FREM2: variants seen among roughly 807,000 people sequenced by gnomAD.
FREM2 encodes the protein FRAS1-related extracellular matrix protein 2.
A neutral mutation model predicts 219.9 loss-of-function variants in FREM2; 119 were observed. The observed-to-expected ratio is 0.54, with a 90% CI of 0.47 to 0.63. The LOEUF (loss-of-function observed/expected upper bound fraction) is 0.63, where lower values mean the gene tolerates loss of function less well. Among genes scored for constraint, FREM2 ranks in the 30% least tolerant of loss-of-function variants. The probability of loss-of-function intolerance (pLI) is 0.00; values close to 1 mark genes in which losing one functional copy is unlikely to be tolerated. For missense variants in FREM2, 4,030 were observed against 3,993.6 expected (o/e 1.01, Z -0.25); for synonymous variants, 1,562 against 1,522.8 (o/e 1.03, Z -0.60).
chr13:38,734,062 T>C (rs1871878737), intron 2 of FREM2, among the ~76,000 whole-genome samples: 1 of 151,982 alleles, frequency 6.6e-6, no homozygotes, highest in Non-Finnish European at 1.5e-5. Context: ...CATTATAAAC[T>C]AGATCACCTT....
intron 6 of FREM2, among the ~76,000 whole-genome samples, chr13:38,799,544 A>G (rs1209103668): frequency 1.3e-5 from 2 of 152,180 alleles, no homozygotes; most frequent in East Asian, 3.9e-4. Flanking sequence ...TGATCTGTCT[A>G]GTGCTGTGAG....
At chr13:38,803,531 A>C (rs559086117) in intron 6 of FREM2, among the ~76,000 whole-genome samples, 65 of 152,082 alleles carry the variant, frequency 4.3e-4, no homozygotes, top group African/African-American at 1.5e-3. Context: ...TTTGGTCCTC[A>C]GTACTTCAGT....
Position 38,687,256 on chromosome 13 carries a change from G to A in FREM2, c.-89G>A. The A allele has an allele frequency of 1.3e-6, 2 of 1,527,616 alleles. No homozygotes were observed. Among genetic ancestry groups the A allele is most frequent in the Non-Finnish European group, 8.9e-7 (1 of 1,127,492 alleles). The allele number at this position is 1,527,616 out of a possible 1,614,324, so 94.6% of individuals were successfully genotyped here. On this transcript the variant is annotated 5_prime_UTR_variant, in exon 1 of 24. Coordinates refer to ENST00000280481, the MANE Select transcript of FREM2 (RefSeq NM_207361.6). ...CCGCGGGCAACGCGCGGAGTTCCTG[G>A]CACTTCCCGGCGGTGTCTCTTGTTG...
chr13:38,848,356 T>G lies in FREM2; in HGVS notation c.6170-105T>G, dbSNP rs79192272. On this transcript the variant is annotated intron_variant, in intron 7 of 23. Coordinates refer to ENST00000280481, the MANE Select transcript of FREM2 (RefSeq NM_207361.6). Reference sequence around the variant, plus strand: ...TTTTCTGTAGAGTTATGCTGGTCTCTATTTTTTAAAAGAAGAATTATAAAC... The same window carrying G: ...TTTTCTGTAGAGTTATGCTGGTCTCGATTTTTTAAAAGAAGAATTATAAAC... The G allele has an allele frequency of 4.1e-3, 3,530 of 866,360 alleles. 24 individuals are homozygous for G. Among genetic ancestry groups the G allele is most frequent in the Non-Finnish European group, 5.8e-3 (3,013 of 521,562 alleles). The allele number at this position is 866,360 out of a possible 1,614,324, so 53.7% of individuals were successfully genotyped here. A position where few individuals can be genotyped will look rare whatever the true frequency, so the allele number is the denominator to read the frequency against.
intron 4 of FREM2, among the ~76,000 whole-genome samples, chr13:38,777,105 TTTA>T (rs1399615156): frequency 6.6e-6 from 1 of 151,886 alleles, no homozygotes; most frequent in Non-Finnish European, 1.5e-5. Flanking sequence ...CTTGTGAAGA[TTTA>T]TTAATATGCA....
At chr13:38,726,988 T>G (rs934594036) in intron 2 of FREM2, among the ~76,000 whole-genome samples, 2 of 152,174 alleles carry the variant, frequency 1.3e-5, no homozygotes, top group Non-Finnish European at 2.9e-5. Context: ...AGGTGGTGAT[T>G]GTCAAGCCTG....
chr13:38,705,861 C>T (rs1566111457), intron 2 of FREM2, among the ~76,000 whole-genome samples: 1 of 152,100 alleles, frequency 6.6e-6, no homozygotes, highest in Non-Finnish European at 1.5e-5. Context: ...CTGTCTTTCT[C>T]ACAGCAGCTG....
At chr13:38,755,878 T>C (rs925669871) in intron 2 of FREM2, among the ~76,000 whole-genome samples, 3 of 152,204 alleles carry the variant, frequency 2.0e-5, no homozygotes, top group African/African-American at 7.2e-5. Context: ...ACAACAATCC[T>C]ACAGATTTTC....
At chr13:38,722,745 G>GTTT (rs78258671) in intron 2 of FREM2, among the ~76,000 whole-genome samples, 2,169 of 139,980 alleles carry the variant, frequency 0.015, 44 homozygotes, top group African/African-American at 0.044. Flanking sequence ...AGCTGGTAAC[G>GTTT]TTTTTTTTTT....
chr13:38,833,455 C>A (rs1337503299), intron 6 of FREM2, among the ~76,000 whole-genome samples: 1 of 152,002 alleles, frequency 6.6e-6, no homozygotes. Context: ...TTGGTGGCAA[C>A]CCTTATCATT....
chr13:38,784,158 A>C (rs1046795456), intron 5 of FREM2, among the ~76,000 whole-genome samples: 1 of 152,236 alleles, frequency 6.6e-6, no homozygotes, highest in East Asian at 1.9e-4. Context: ...AAGTGGTTCA[A>C]CTTCTGAAAA....
At position 38,885,428 on chromosome 13, in the gene FREM2, A is replaced by G. The variant is rs1367349975; in HGVS notation, c.*4641A>G. The G allele has an allele frequency of 1.3e-5, 2 of 152,126 alleles. No individual in the cohort carries two copies. The highest frequency in any genetic ancestry group is 3.8e-4 in the East Asian group (2 of 5,202). 9.4% of individuals were successfully genotyped at this position (152,126 alleles called of 1,614,324 possible). On this transcript the variant is annotated 3_prime_UTR_variant, in exon 24 of 24. Transcript: ENST00000280481. ...TATTTGTTTGCTTTGTGTTTTTTCA[A>G]TATTTTGTTTGCTAAAGAACAATAA...
chr13:38,881,697 G>T lies in FREM2; in HGVS notation c.*910G>T, dbSNP rs888443236. The T allele has an allele frequency of 6.6e-6, 1 of 152,536 alleles. No homozygotes were observed. The highest frequency in any genetic ancestry group is 6.5e-5 in the Admixed American group (1 of 15,276). The allele number at this position is 152,536 out of a possible 1,614,324, so 9.4% of individuals were successfully genotyped here. On this transcript the variant is annotated 3_prime_UTR_variant, in exon 24 of 24. Coordinates refer to ENST00000280481, the MANE Select transcript of FREM2 (RefSeq NM_207361.6). ...TGTTTGCAGTATTGAACCCATAAATGATAATAAGAAACATTGTTACAGATG... is the reference window on the plus strand; with the variant it reads ...TGTTTGCAGTATTGAACCCATAAATTATAATAAGAAACATTGTTACAGATG...
At position 38,692,138 on chromosome 13, in the gene FREM2, T is replaced by A. The variant is rs759214390; in HGVS notation, c.4794T>A (p.Asn1598Lys). The A allele has an allele frequency of 2.5e-6, 4 of 1,614,238 alleles. No individual in the cohort carries two copies. Among genetic ancestry groups the A allele is most frequent in the South Asian group, 1.1e-5 (1 of 91,084 alleles). Residue 1598 changes from asparagine to lysine, a missense_variant, in exon 1 of 24, where the codon AAT (asparagine) becomes AAA (lysine). By Grantham distance (94) the Asn-to-Lys change is moderately conservative. Coordinates refer to ENST00000280481, the MANE Select transcript of FREM2 (RefSeq NM_207361.6). Reference protein sequence around the residue: ...PVMVFTKQDLNENLISYKHDG... With the variant: ...PVMVFTKQDLKENLISYKHDG... ...TGGTTTTTACCAAGCAAGACTTGAA[T>A]GAAAACTTAATCAGCTACAAACATG... is the stretch of plus-strand genomic sequence containing the variant.
At chr13:38,761,895 A>C (rs897103137) in intron 2 of FREM2, among the ~76,000 whole-genome samples, 1 of 152,174 alleles carries the variant, frequency 6.6e-6, no homozygotes, top group Non-Finnish European at 1.5e-5. Flanking sequence ...CAAGGGGAAC[A>C]ATCAGGGTAG....
intron 15 of FREM2, among the ~76,000 whole-genome samples, chr13:38,863,239 G>A (rs372058047): frequency 9.9e-5 from 15 of 152,116 alleles, no homozygotes; most frequent in African/African-American, 2.4e-4. Flanking sequence ...TAGTAGAGAC[G>A]GGGTTTCGCC....
rs548177107 is a variant in FREM2 at position 38,783,105 on chromosome 13, G to T, written c.5677G>T (p.Val1893Phe). Residue 1893 changes from valine to phenylalanine, a missense_variant, in exon 5 of 24, where the codon GTT becomes TTT. Val to Phe is a conservative substitution (Grantham distance 50). Around this residue, in one of 2 missense-constraint regions of FREM2, gnomAD observed 3,102 missense variants for 2,950.7 expected, o/e 1.05. Coordinates refer to ENST00000280481, the MANE Select transcript of FREM2 (RefSeq NM_207361.6). The stretch of plus-strand genomic sequence containing the variant: ...GTTTATTCCCCAGTCCAAATACTCC[G>T]TTGAAGAAGATGTTGGTGAGCTGTT... ...TVFIPQSKYS[V>F]EEDVGELFIP... is the part of the protein sequence containing the mutation. 11 of 1,613,732 alleles carry T rather than the reference G, an allele frequency of 6.8e-6. No homozygotes were observed. In the African/African-American group the frequency reaches 1.2e-4, roughly 18 times the overall value.
chr13:38,877,228 G>A lies in FREM2; in HGVS notation c.8656G>A (p.Val2886Ile), dbSNP rs1216900860. 2 of 1,613,928 alleles carry A rather than the reference G, an allele frequency of 1.2e-6. No individual in the cohort carries two copies. The highest frequency in any genetic ancestry group is 2.7e-5 in the African/African-American group (2 of 74,922). Residue 2886 changes from valine to isoleucine, a missense_variant, in exon 21 of 24, where the codon GTT becomes ATT. Around this residue, in one of 2 missense-constraint regions of FREM2, gnomAD observed 928 missense variants for 1,042.9 expected, o/e 0.89. Transcript: ENST00000280481. ...CATGGGATTCGGGCAAGAGAGTGAT[G>A]TTGCTTTTGCAGAAGGTATCACTTT... ...GSMGFGQESD[V>I]AFAEGDIIYG...
At chr13:38,840,638 A>ATG (rs1403911448) in intron 6 of FREM2, among the ~76,000 whole-genome samples, 5 of 146,092 alleles carry the variant, frequency 3.4e-5, no homozygotes, top group African/African-American at 1.3e-4. Flanking sequence ...ATATATATAT[A>ATG]TATATATGTG....
Sources: allele counts gnomAD v4.1 joint callset (sites outside exome capture counted in the v4.1 genomes callset), GRCh38; gene constraint gnomAD v4.1.1; regional missense constraint gnomAD v4.1.1; transcripts MANE v1.5; gene names NCBI Gene and HGNC (gene_info 2026-07-23, HGNC 2026-07-21).